Variants in ACTR3C observed in about 807,000 individuals in gnomAD.
The protein encoded by ACTR3C is actin-related protein 3C.
In ACTR3C, 18 loss-of-function variants were observed where a neutral mutation model predicts 26.3. The ratio of observed to expected loss-of-function variants is 0.68; its 90% CI spans 0.47 to 1.01. The LOEUF (loss-of-function observed/expected upper bound fraction) is 1.01. Ranked by LOEUF, ACTR3C falls within the 50% of genes least tolerant of loss-of-function variation. The probability of loss-of-function intolerance (pLI) is 0.00; values close to 1 mark genes in which losing one functional copy is unlikely to be tolerated. For synonymous variants in ACTR3C, 55 were observed against 94.5 expected, an observed-to-expected ratio of 0.58 and a Z score of 2.42; for missense variants, 184 against 250.7, an observed-to-expected ratio of 0.73 and a Z score of 1.80.
intron 1 of ACTR3C, among the ~76,000 whole-genome samples, chr7:150,314,234 C>A (rs1044518120): frequency 6.6e-6 from 1 of 152,200 alleles, no homozygotes; most frequent in African/African-American, 2.4e-5. Flanking sequence ...TTTATGTGAC[C>A]AGTTTTGTAG....
chr7:150,012,446 C>A, the ACTR3C span, among the ~76,000 whole-genome samples: 1 of 151,684 alleles, frequency 6.6e-6, no homozygotes, highest in Non-Finnish European at 1.5e-5. Flanking sequence ...TCCCAAGTAG[C>A]TGGGACTACA....
At chr7:149,975,475 T>TC in the ACTR3C span, among the ~76,000 whole-genome samples, 1 of 151,848 alleles carries the variant, frequency 6.6e-6, no homozygotes, top group African/African-American at 2.4e-5. Flanking sequence ...ATCCACAAAC[T>TC]ACACTCTGCC....
At chr7:149,996,221 G>C in the ACTR3C span, among the ~76,000 whole-genome samples, 1 of 152,154 alleles carries the variant, frequency 6.6e-6, no homozygotes, top group African/African-American at 2.4e-5. Flanking sequence ...CATGGAAAGG[G>C]ACGGAGTAAA....
the ACTR3C span, among the ~76,000 whole-genome samples, chr7:150,039,423 G>C: frequency 6.6e-5 from 1 of 15,234 alleles, no homozygotes; most frequent in African/African-American, 2.8e-4. Context: ...CTCAGTCCCT[G>C]CCTCGCGGGG....
At chr7:150,112,091 G>A in the ACTR3C span, among the ~76,000 whole-genome samples, 4 of 149,014 alleles carry the variant, frequency 2.7e-5, no homozygotes, top group South Asian at 4.3e-4. Flanking sequence ...TCCTATCCAC[G>A]CTGAGAAGCT....
At chr7:149,907,849 A>G in the ACTR3C span, among the ~76,000 whole-genome samples, 198 of 152,296 alleles carry the variant, frequency 1.3e-3, no homozygotes, top group African/African-American at 4.6e-3. Context: ...AGTTCAATTT[A>G]TCAACTCAGC....
the ACTR3C span, among the ~76,000 whole-genome samples, chr7:150,027,743 A>T: frequency 1.3e-5 from 2 of 152,050 alleles, no homozygotes; most frequent in African/African-American, 4.8e-5. Flanking sequence ...AAGATAAATA[A>T]CCAATGGTCC....
At chr7:150,019,602 T>TAAA in the ACTR3C span, among the ~76,000 whole-genome samples, 8 of 30,774 alleles carry the variant, frequency 2.6e-4, no homozygotes, top group Admixed American at 3.3e-4. Context: ...AAAATAAAAA[T>TAAA]AATAATAATA....
At chr7:150,189,500 T>C in the ACTR3C span, among the ~76,000 whole-genome samples, 2 of 147,714 alleles carry the variant, frequency 1.4e-5, no homozygotes, top group East Asian at 4.0e-4. Flanking sequence ...AAGATTTTAA[T>C]ACAGAATGAT....
the ACTR3C span, among the ~76,000 whole-genome samples, chr7:149,975,575 G>C: frequency 6.6e-6 from 1 of 151,990 alleles, no homozygotes; most frequent in Non-Finnish European, 1.5e-5. Context: ...AAATAACATA[G>C]AGAACAGAAA....
chr7:150,317,375 T>C (rs71537955), intron 1 of ACTR3C, among the ~76,000 whole-genome samples: 1 of 152,176 alleles, frequency 6.6e-6, no homozygotes, highest in Non-Finnish European at 1.5e-5. Context: ...TTCTAACTGG[T>C]GGTTGTTTGC....
the ACTR3C span, among the ~76,000 whole-genome samples, chr7:149,915,548 G>C: frequency 6.6e-6 from 1 of 151,538 alleles, no homozygotes; most frequent in African/African-American, 2.4e-5. Flanking sequence ...CTGGTCAATT[G>C]GTTCAGGATG....
At chr7:150,287,126 T>C (rs553491548) in intron 4 of ACTR3C, among the ~76,000 whole-genome samples, 1 of 151,842 alleles carries the variant, frequency 6.6e-6, no homozygotes, top group East Asian at 1.9e-4. Context: ...CTAGAGACAG[T>C]GTACCTTGTT....
chr7:150,130,500 G>A, the ACTR3C span, among the ~76,000 whole-genome samples: 2 of 152,112 alleles, frequency 1.3e-5, no homozygotes, highest in Non-Finnish European at 2.9e-5. Flanking sequence ...ACTGGTCAAG[G>A]AGCTGCGTGA....
At chr7:150,253,039 T>A (rs1285583437) in intron 6 of ACTR3C, among the ~76,000 whole-genome samples, 1 of 151,928 alleles carries the variant, frequency 6.6e-6, no homozygotes, top group East Asian at 1.9e-4. Flanking sequence ...GGCTGGGCTG[T>A]TTTTACGTAT....
At chr7:149,963,388 G>A in the ACTR3C span, among the ~76,000 whole-genome samples, 13 of 152,152 alleles carry the variant, frequency 8.5e-5, no homozygotes, top group African/African-American at 2.7e-4. Flanking sequence ...TGAGGAAGTC[G>A]AAGGAGAATG....
At chr7:150,180,544 G>C in the ACTR3C span, among the ~76,000 whole-genome samples, 5 of 129,272 alleles carry the variant, frequency 3.9e-5, no homozygotes, top group African/African-American at 9.7e-5. Flanking sequence ...AGGGAGTCTC[G>C]CTCTGTCGCC....
intron 3 of ACTR3C, among the ~76,000 whole-genome samples, chr7:150,292,805 A>C (rs1354270014): frequency 2.6e-5 from 4 of 151,822 alleles, no homozygotes; most frequent in Admixed American, 1.3e-4. Flanking sequence ...CCCTTAAATA[A>C]ATTTTTAAAA....
the ACTR3C span, among the ~76,000 whole-genome samples, chr7:149,956,020 G>T: frequency 1.6e-4 from 24 of 152,162 alleles, no homozygotes; most frequent in Admixed American, 6.5e-5. Flanking sequence ...GAAGGTCGCT[G>T]AGCTGCAAGC....
Sources: allele counts gnomAD v4.1 joint callset (sites outside exome capture counted in the v4.1 genomes callset), GRCh38; gene constraint gnomAD v4.1.1; transcripts MANE v1.5; gene names NCBI Gene and HGNC (gene_info 2026-07-23, HGNC 2026-07-21).